Variants in PPM1H observed in about 807,000 individuals in gnomAD.
PPM1H encodes the protein protein phosphatase, Mg2+/Mn2+ dependent 1H.
A neutral mutation model predicts 54.9 loss-of-function variants in PPM1H; 27 were observed. The observed-to-expected ratio is 0.49, with a 90% CI of 0.36 to 0.68. PPM1H has a LOEUF of 0.68. PPM1H is among the 30% of genes least tolerant of loss of function. The probability of loss-of-function intolerance (pLI) is 0.00; values close to 1 mark genes in which losing one functional copy is unlikely to be tolerated. For synonymous variants in PPM1H, 305 were observed against 270.8 expected, an observed-to-expected ratio of 1.13 and a Z score of -1.24; for missense variants, 596 against 667.8, an observed-to-expected ratio of 0.89 and a Z score of 1.19.
intron 6 of PPM1H, among the ~76,000 whole-genome samples, chr12:62,701,449 C>G (rs1390757059): frequency 6.6e-6 from 1 of 152,206 alleles, no homozygotes; most frequent in Non-Finnish European, 1.5e-5. Flanking sequence ...TTTATACATC[C>G]CTTCAGTAAA....
intron 1 of PPM1H, among the ~76,000 whole-genome samples, chr12:62,930,238 T>A (rs1872091459): frequency 1.3e-5 from 2 of 152,196 alleles, no homozygotes; most frequent in African/African-American, 4.8e-5. Flanking sequence ...ATTTCATAAT[T>A]TTCAACTCTG....
rs1268077399 is a variant in PPM1H at position 62,804,915 on chromosome 12, T to A, written c.412-2755A>T. 2.0e-5 allele frequency among the ~76,000 whole-genome samples: 3 copies of A among 152,060 alleles called. No individual in the cohort carries two copies. The East Asian group carries it at 5.8e-4, about 29-fold the overall frequency. ...TGGTCTCGATCTCCTGACCTCGTGA[T>A]CCGCCCGCCTCGGCCTCCCAAAGTG... On this transcript the variant is annotated intron_variant, in intron 2 of 9. Transcript: ENST00000228705.
At chr12:62,932,628 C>CTTTTTTCTTTTTTT (rs1872177633) in intron 1 of PPM1H, among the ~76,000 whole-genome samples, 3 of 54,016 alleles carry the variant, frequency 5.6e-5, no homozygotes, top group Non-Finnish European at 9.6e-5. Context: ...TCCAAATGGG[C>CTTTTTTCTTTTTTT]TTTTTTTTTT....
intron 4 of PPM1H, among the ~76,000 whole-genome samples, chr12:62,751,538 A>G (rs2076442774): frequency 6.6e-6 from 1 of 152,228 alleles, no homozygotes; most frequent in Non-Finnish European, 1.5e-5. Context: ...TATGGTTGGA[A>G]AAGGGAAAAT....
chr12:62,930,402 T>C (rs1436147859), intron 1 of PPM1H, among the ~76,000 whole-genome samples: 1 of 152,234 alleles, frequency 6.6e-6, no homozygotes, highest in Non-Finnish European at 1.5e-5. Context: ...TAATGTATTC[T>C]TTCTGTACAA....
chr12:62,911,843 G>A (rs1389212946), intron 1 of PPM1H, among the ~76,000 whole-genome samples: 2 of 152,164 alleles, frequency 1.3e-5, no homozygotes, highest in Non-Finnish European at 2.9e-5. Context: ...CCAGAACACT[G>A]GTTGGTTAGC....
At chr12:62,763,097 C>T (rs342144) in intron 4 of PPM1H, among the ~76,000 whole-genome samples, 54,447 of 152,000 alleles carry the variant, frequency 0.36, 9,921 homozygotes, top group Middle Eastern at 0.46. Flanking sequence ...AAGCAGGGAC[C>T]GAGAAGCAGA....
intron 5 of PPM1H, among the ~76,000 whole-genome samples, chr12:62,732,883 T>C (rs1007377483): frequency 2.6e-5 from 4 of 152,210 alleles, no homozygotes; most frequent in Non-Finnish European, 5.9e-5. Context: ...AATACACTGT[T>C]AATTTTTCAG....
At chr12:62,671,574 C>T (rs1350240123) in intron 8 of PPM1H, among the ~76,000 whole-genome samples, 1 of 152,058 alleles carries the variant, frequency 6.6e-6, no homozygotes, top group Non-Finnish European at 1.5e-5. Flanking sequence ...GATAGACACC[C>T]AAATAAATTA....
chr12:62,705,624 T>C (rs2076168782), intron 6 of PPM1H, among the ~76,000 whole-genome samples: 1 of 152,256 alleles, frequency 6.6e-6, no homozygotes, highest in Non-Finnish European at 1.5e-5. Flanking sequence ...TTGGAAATTA[T>C]TTCTGATTCA....
At chr12:62,666,921 C>T (rs566567050) in intron 9 of PPM1H, among the ~76,000 whole-genome samples, 3 of 152,254 alleles carry the variant, frequency 2.0e-5, no homozygotes, top group Non-Finnish European at 4.4e-5. Flanking sequence ...ACCATGTTGG[C>T]CAGGCTGGTC....
intron 9 of PPM1H, among the ~76,000 whole-genome samples, chr12:62,656,590 A>G (rs930535099): frequency 2.6e-5 from 4 of 152,132 alleles, no homozygotes; most frequent in African/African-American, 4.8e-5. Context: ...TTGGGTGGGA[A>G]CTTCAATTTG....
intron 1 of PPM1H, among the ~76,000 whole-genome samples, chr12:62,832,493 G>T (rs1358274682): frequency 6.6e-6 from 1 of 152,164 alleles, no homozygotes; most frequent in Admixed American, 6.5e-5. Context: ...ATTTACTAAA[G>T]AAGTTGTTTT....
At chr12:62,658,957 T>C (rs1023544926) in intron 9 of PPM1H, 5 of 705,076 alleles carry the variant, frequency 7.1e-6, no homozygotes, top group South Asian at 2.7e-5. Context: ...ACAGGGCTCA[T>C]AGAAGGTTCA....
intron 3 of PPM1H, among the ~76,000 whole-genome samples, chr12:62,800,722 T>A (rs1168066613): frequency 1.3e-5 from 2 of 152,230 alleles, no homozygotes; most frequent in Non-Finnish European, 2.9e-5. Flanking sequence ...TTATTCTTTA[T>A]CTGTATGCAG....
At position 62,759,219 on chromosome 12, in the gene PPM1H, C is replaced by T. The variant is rs145025023; in HGVS notation, c.870-21633G>A. Reference sequence around the variant, plus strand: ...CGTGAGACATTTGGTGCCGAAGACTCGGGTAAGTGGGACTCCTTCGGGAGA... The same window carrying T: ...CGTGAGACATTTGGTGCCGAAGACTTGGGTAAGTGGGACTCCTTCGGGAGA... On this transcript the variant is annotated intron_variant, in intron 4 of 9. Coordinates refer to ENST00000228705, the MANE Select transcript of PPM1H (RefSeq NM_020700.2). Among the ~76,000 whole-genome samples, 33 of 152,336 alleles carry T rather than the reference C, an allele frequency of 2.2e-4. No individual in the cohort carries two copies. In the East Asian group the frequency reaches 4.8e-3, roughly 22 times the overall value.
chr12:62,869,723 G>A (rs1286710061), intron 1 of PPM1H, among the ~76,000 whole-genome samples: 1 of 152,124 alleles, frequency 6.6e-6, no homozygotes, highest in Non-Finnish European at 1.5e-5. Flanking sequence ...AACCTGGCCT[G>A]AAACCGTGTA....
intron 1 of PPM1H, among the ~76,000 whole-genome samples, chr12:62,922,316 T>A (rs749190837): frequency 1.2e-4 from 18 of 148,258 alleles, no homozygotes; most frequent in Non-Finnish European, 2.4e-4. Flanking sequence ...TGTGGCATTT[T>A]GTTTATGGGG....
chr12:62,671,457 G>A (rs1295211703), intron 8 of PPM1H, among the ~76,000 whole-genome samples: 1 of 152,166 alleles, frequency 6.6e-6, no homozygotes, highest in Non-Finnish European at 1.5e-5. Context: ...GCTGCCTTCA[G>A]TACGCTTTTA....
Sources: gnomAD v4.1 joint callset for allele counts (sites outside exome capture counted in the v4.1 genomes callset) on GRCh38, gnomAD v4.1.1 for gene constraint, MANE v1.5 for transcripts, NCBI Gene and HGNC (gene_info 2026-07-23, HGNC 2026-07-21) for gene names.